The following KCNMA1 variants were observed in gnomAD, a reference collection of about 807,000 sequenced individuals.
KCNMA1 encodes the protein potassium calcium-activated channel subfamily M alpha 1, also known as Calcium-activated potassium channel subunit alpha-1.
Under a neutral mutation model 140.0 loss-of-function variants are expected in KCNMA1, and 29 were observed. The observed-to-expected ratio is 0.21, with a 90% CI of 0.15 to 0.28. KCNMA1 has a LOEUF of 0.28. KCNMA1 is among the 10% of genes least tolerant of loss of function. The pLI is 1.00. For synonymous variants in KCNMA1, 612 were observed against 611.9 expected, an observed-to-expected ratio of 1.00 and a Z score of 0.00; for missense variants, 880 against 1,602.2, an observed-to-expected ratio of 0.55 and a Z score of 7.70.
intron 14 of KCNMA1, among the ~76,000 whole-genome samples, chr10:77,055,093 C>T (rs1005054691): frequency 8.5e-5 from 13 of 152,094 alleles, no homozygotes; most frequent in East Asian, 1.9e-4. Flanking sequence ...TAGCATATGG[C>T]GGCTAAAGAG....
chr10:77,619,310 GTCTGTC>G (rs1231184464), intron 1 of KCNMA1, among the ~76,000 whole-genome samples: 2 of 91,474 alleles, frequency 2.2e-5, no homozygotes, highest in African/African-American at 9.5e-5. Flanking sequence ...CTCTCTGTCT[GTCTGTC>G]TCTCTCTCTC....
chr10:77,022,193 GTCTC>G (rs1173421938), intron 16 of KCNMA1, among the ~76,000 whole-genome samples: 5 of 151,966 alleles, frequency 3.3e-5, no homozygotes. Flanking sequence ...ACTGCCAAAA[GTCTC>G]TCTCTCTGTG....
intron 1 of KCNMA1, among the ~76,000 whole-genome samples, chr10:77,453,090 G>C (rs988211128): frequency 1.3e-5 from 2 of 152,112 alleles, no homozygotes; most frequent in African/African-American, 4.8e-5. Context: ...GTTAAGTCAT[G>C]GTAAAGGAAA....
At chr10:77,012,225 C>T (rs1165813969) in intron 17 of KCNMA1, 182 bp from the exon 18 acceptor site, 1 of 1,479,730 alleles carries the variant, frequency 6.8e-7, no homozygotes, top group African/African-American at 1.4e-5. Context: ...TTATTTCAAA[C>T]ACAGGATTCT....
chr10:76,928,526 G>A (rs1489511421), intron 23 of KCNMA1, among the ~76,000 whole-genome samples: 1 of 152,060 alleles, frequency 6.6e-6, no homozygotes, highest in Non-Finnish European at 1.5e-5. Context: ...CAATAAATGT[G>A]AGCAGAAAAT....
chr10:77,281,645 C>T (rs762023664), intron 2 of KCNMA1, among the ~76,000 whole-genome samples: 2 of 152,036 alleles, frequency 1.3e-5, no homozygotes, highest in African/African-American at 2.4e-5. Flanking sequence ...GCCTGGGAAC[C>T]GGTGACTGCC....
intron 9 of KCNMA1, chr10:77,092,069 T>C (rs1353455358): frequency 6.6e-6 from 1 of 152,116 alleles, no homozygotes; most frequent in African/African-American, 2.4e-5. Flanking sequence ...TCAGAAGAGA[T>C]GTCTTAACAT....
rs111297038 is a variant in KCNMA1, at chr10:77,093,537, C to T, written c.1224-3027G>A. ...GAGAAGCTGCCTCTAACTCAGCAAT[C>T]GGTATTAGGAGATCTGCTTCCGCCA... On this transcript the variant is annotated intron_variant, in intron 9 of 27. Transcript: ENST00000286628. Among the ~76,000 whole-genome samples, 827 of 152,228 alleles carry T rather than the reference C, an allele frequency of 5.4e-3. 5 individuals carry two copies. The highest frequency in any genetic ancestry group is 0.019 in the African/African-American group (788 of 41,546).
At chr10:77,470,452 C>T (rs1297776239) in intron 1 of KCNMA1, among the ~76,000 whole-genome samples, 2 of 152,066 alleles carry the variant, frequency 1.3e-5, no homozygotes, top group Admixed American at 6.5e-5. Flanking sequence ...AACCAAAGGC[C>T]CGGCACCCTA....
intron 3 of KCNMA1, among the ~76,000 whole-genome samples, chr10:77,200,190 A>G (rs2042009229): frequency 1.3e-5 from 2 of 152,152 alleles, no homozygotes; most frequent in Admixed American, 6.5e-5. Flanking sequence ...ACCTCAGGTG[A>G]TCCACCTGTC....
intron 1 of KCNMA1, among the ~76,000 whole-genome samples, chr10:77,469,898 T>C (rs1341101412): frequency 1.3e-5 from 2 of 152,178 alleles, no homozygotes; most frequent in Non-Finnish European, 2.9e-5. Flanking sequence ...AAGCCGCTGA[T>C]AGCTCCTCGG....
rs565030107 is a variant in KCNMA1, at chr10:77,604,356, A to G, written c.378+32909T>C. On this transcript the variant is annotated intron_variant, in intron 1 of 27. Transcript: ENST00000286628. ...ATAGTAACAGAAACTGAAAGAGAAG[A>G]AAAAAAGAAGTCTCAAGAAAAAACA... 1.2e-4 allele frequency among the ~76,000 whole-genome samples: 19 copies of G among 152,348 alleles called. No homozygotes were observed. In the East Asian group the frequency reaches 2.3e-3, roughly 19 times the overall value.
chr10:76,999,102 C>G, intron 19 of KCNMA1, among the ~76,000 whole-genome samples: 1 of 152,356 alleles, frequency 6.6e-6, no homozygotes, highest in Non-Finnish European at 1.5e-5. Flanking sequence ...GACAACATGC[C>G]ACTCACAGAA....
chr10:77,247,248 AAT>A (rs1431154478), intron 3 of KCNMA1, among the ~76,000 whole-genome samples: 3 of 152,196 alleles, frequency 2.0e-5, no homozygotes, highest in Non-Finnish European at 4.4e-5. Flanking sequence ...CCCTGGTGAA[AAT>A]GCAAATACCC....
intron 1 of KCNMA1, among the ~76,000 whole-genome samples, chr10:77,446,053 AG>A (rs1241908456): frequency 3.9e-5 from 6 of 152,104 alleles, no homozygotes; most frequent in Non-Finnish European, 8.8e-5. Flanking sequence ...TGGCATCGGG[AG>A]GGAGCTGGCT....
intron 16 of KCNMA1, among the ~76,000 whole-genome samples, chr10:77,023,193 C>G (rs2093052640): frequency 6.6e-6 from 1 of 152,164 alleles, no homozygotes; most frequent in Non-Finnish European, 1.5e-5. Flanking sequence ...ATTCCTTTCT[C>G]CACCACTTGT....
In KCNMA1 at chr10:76,966,432, C is replaced by T. The variant is rs188637462; in HGVS notation, c.2360+3542G>A. ...TCAGGAATCCATTAACCTGCTTCAA[C>T]TGTGGTAAAAGGGGATCAAGTGTAC... On this transcript the variant is annotated intron_variant, in intron 20 of 27. Coordinates refer to ENST00000286628, the MANE Select transcript of KCNMA1 (RefSeq NM_001161352.2). 2.5e-3 allele frequency among the ~76,000 whole-genome samples: 383 copies of T among 152,264 alleles called. 2 individuals are homozygous for T. Among genetic ancestry groups the T allele is most frequent in the Middle Eastern group, 3.4e-3 (1 of 294 alleles).
chr10:76,872,006 C>T (rs1016645075), exon 28 of KCNMA1: 2 of 152,174 alleles, frequency 1.3e-5, no homozygotes, highest in Non-Finnish European at 2.9e-5. Flanking sequence ...TAAACAAGGG[C>T]TACCTGATTA....
rs1288094621 is a variant in KCNMA1 at position 76,886,798 on chromosome 10, C to T, written c.*468G>A. On this transcript the variant is annotated 3_prime_UTR_variant, in exon 28 of 28. Transcript: ENST00000286628. ...TGTTTGGTTGCTTGTTTCAAATAAA[C>T]ATGTGCTAACTTATTGTGTGTATAA... is the stretch of plus-strand genomic sequence containing the variant. 4 of 1,032,236 alleles carry T rather than the reference C, an allele frequency of 3.9e-6. No individual in the cohort carries two copies. The African/African-American group carries it at 5.2e-5, about 13-fold the overall frequency. The allele number at this position is 1,032,236 out of a possible 1,614,324, so 63.9% of individuals were successfully genotyped here. A position where few individuals can be genotyped will look rare whatever the true frequency, so the allele number is the denominator to read the frequency against.
Sources: gnomAD v4.1 joint callset for allele counts (sites outside exome capture counted in the v4.1 genomes callset) on GRCh38, gnomAD v4.1.1 for gene constraint, MANE v1.5 for transcripts, NCBI Gene and HGNC (gene_info 2026-07-23, HGNC 2026-07-21) for gene names.